Variants in FAM107B observed in about 807,000 individuals in gnomAD.
The protein encoded by FAM107B is family with sequence similarity 107 member B, also known as protein FAM107B.
A neutral mutation model predicts 31.5 loss-of-function variants in FAM107B; 21 were observed. The ratio of observed to expected loss-of-function variants is 0.67; its 90% CI spans 0.47 to 0.96. The LOEUF (loss-of-function observed/expected upper bound fraction) is 0.96. Ranked by LOEUF, FAM107B falls within the 40% of genes least tolerant of loss-of-function variation. The pLI, the probability that FAM107B is intolerant of heterozygous loss-of-function variation, is 0.00. For missense variants in FAM107B, 452 were observed against 377.1 expected (o/e 1.20, Z -1.64); for synonymous variants, 157 against 141.5 (o/e 1.11, Z -0.78).
intron 2 of FAM107B, among the ~76,000 whole-genome samples, chr10:14,601,861 A>G (rs1317553302): frequency 6.6e-6 from 1 of 152,222 alleles, no homozygotes; most frequent in Non-Finnish European, 1.5e-5. Flanking sequence ...GAAAATCAGT[A>G]AAACTCTTTT....
chr10:14,649,036 A>G (rs984080191), intron 2 of FAM107B, among the ~76,000 whole-genome samples: 4 of 152,232 alleles, frequency 2.6e-5, no homozygotes, highest in Non-Finnish European at 5.9e-5. Context: ...TAAGCCCCAC[A>G]ACCAGCTGAA....
intron 1 of FAM107B, among the ~76,000 whole-genome samples, chr10:14,725,133 A>G (rs561578604): frequency 2.0e-5 from 3 of 152,304 alleles, no homozygotes; most frequent in Admixed American, 2.0e-4. Flanking sequence ...TAGATCCACA[A>G]GGCTGCAGGA....
chr10:14,749,772 C>T (rs1832792160), intron 1 of FAM107B, among the ~76,000 whole-genome samples: 1 of 152,186 alleles, frequency 6.6e-6, no homozygotes, highest in African/African-American at 2.4e-5. Flanking sequence ...CTAAAATTGC[C>T]AGCAACCATG....
In FAM107B at chr10:14,530,420, G is replaced by C. The variant is rs781299923; in HGVS notation, c.565C>G (p.Leu189Val). 6.2e-7 allele frequency: 1 copy of C among 1,614,076 alleles called. No homozygotes were observed. Among genetic ancestry groups the C allele is most frequent in the Non-Finnish European group, 8.5e-7 (1 of 1,179,998 alleles). The change falls in exon 3 of 5, where the codon CTC becomes GTC. Residue 189 changes from leucine to valine, a missense_variant. Transcript: ENST00000181796. ...TTGATCAGTTTCTGAGGCCTAATGA[G>C]TTCAGGATTGTCATCTTCTATGTAG... Reference protein sequence around the residue: ...PDYIEDDNPELIRPQKLINPV... With the variant: ...PDYIEDDNPEVIRPQKLINPV...
chr10:14,743,540 G>C (rs1482098615), intron 1 of FAM107B, among the ~76,000 whole-genome samples: 2 of 152,160 alleles, frequency 1.3e-5, no homozygotes, highest in Non-Finnish European at 1.5e-5. Context: ...TAAGATATAA[G>C]GAAGGGGATC....
At position 14,626,727 on chromosome 10, in the gene FAM107B, T is replaced by C. The variant is rs560256463; in HGVS notation, c.469+40907A>G. ...ACCGTGTTAGCCAGGATGGTCTCGA[T>C]CTCCTGACCTCGTGATCTGCCCGCC... On this transcript the variant is annotated intron_variant, in intron 2 of 4. Transcript: ENST00000181796. Among the ~76,000 whole-genome samples, 31 of 152,146 alleles carry C rather than the reference T, an allele frequency of 2.0e-4. No homozygotes were observed. In the South Asian group the frequency reaches 6.2e-3, roughly 31 times the overall value.
intron 1 of FAM107B, among the ~76,000 whole-genome samples, chr10:14,708,083 T>C (rs1479159557): frequency 6.6e-6 from 1 of 151,206 alleles, no homozygotes; most frequent in East Asian, 1.9e-4. Flanking sequence ...AGGAGGACTG[T>C]CTTTTTTTTT....
chr10:14,565,726 T>G (rs1363960990), intron 2 of FAM107B, among the ~76,000 whole-genome samples: 1 of 152,052 alleles, frequency 6.6e-6, no homozygotes, highest in East Asian at 1.9e-4. Flanking sequence ...GTGGCAAAAG[T>G]GTCCTCAAAA....
chr10:14,672,252 C>A (rs982128220), intron 1 of FAM107B, among the ~76,000 whole-genome samples: 8 of 152,126 alleles, frequency 5.3e-5, no homozygotes, highest in Non-Finnish European at 1.2e-4. Flanking sequence ...CCATGCCCAG[C>A]TAATTTTTGT....
chr10:14,774,216 C>A, intron 1 of FAM107B, 37 bp downstream of exon 1: 1 of 1,568,508 alleles, frequency 6.4e-7, no homozygotes. Flanking sequence ...CCTCCAGCTC[C>A]ATCCCGTCTA....
chr10:14,673,361 C>T (rs1363953908), intron 1 of FAM107B, among the ~76,000 whole-genome samples: 2 of 152,170 alleles, frequency 1.3e-5, no homozygotes, highest in Admixed American at 6.5e-5. Context: ...TTTTTCAGCT[C>T]TCACATATGA....
chr10:14,592,125 G>A (rs1025937702), intron 2 of FAM107B, among the ~76,000 whole-genome samples: 7 of 152,288 alleles, frequency 4.6e-5, no homozygotes, highest in Admixed American at 1.3e-4. Context: ...GGGCTTCCCC[G>A]ATCCCGTGCC....
At chr10:14,747,742 G>A (rs549324334) in intron 1 of FAM107B, among the ~76,000 whole-genome samples, 2 of 152,304 alleles carry the variant, frequency 1.3e-5, no homozygotes, top group East Asian at 3.9e-4. Flanking sequence ...AAGGTATCTG[G>A]CAACCCCTGT....
intron 1 of FAM107B, among the ~76,000 whole-genome samples, chr10:14,670,990 T>C (rs1387556327): frequency 2.6e-5 from 4 of 152,238 alleles, no homozygotes; most frequent in Non-Finnish European, 5.9e-5. Flanking sequence ...CCAACTGTAG[T>C]AGACATCTGT....
chr10:14,530,441 T>C lies in FAM107B; in HGVS notation c.544A>G (p.Ile182Val), dbSNP rs1386101291. Residue 182 changes from isoleucine to valine, a missense_variant, in exon 3 of 5, where the codon ATA (isoleucine) becomes GTA (valine). Transcript: ENST00000181796. ...ATGAGTTCAGGATTGTCATCTTCTA[T>C]GTAGTCTGGCTCGGCCATGATGCTT... ...TRSIMAEPDY[I>V]EDDNPELIRP... The C allele has an allele frequency of 3.1e-6, 5 of 1,614,046 alleles. No homozygotes were observed. In the East Asian group the frequency reaches 6.7e-5, roughly 22 times the overall value.
At chr10:14,655,037 A>C (rs1344442915) in intron 2 of FAM107B, among the ~76,000 whole-genome samples, 1 of 152,196 alleles carries the variant, frequency 6.6e-6, no homozygotes, top group Non-Finnish European at 1.5e-5. Context: ...CAGGCTGTAC[A>C]AGCATGGCAC....
At chr10:14,549,864 ACCGCAT>A (rs920538095) in intron 2 of FAM107B, among the ~76,000 whole-genome samples, 8 of 152,318 alleles carry the variant, frequency 5.3e-5, no homozygotes, top group African/African-American at 1.7e-4. Context: ...TGGGAAAATG[ACCGCAT>A]CCTGCAAGTG....
rs999867007 is a variant in FAM107B, at chr10:14,600,311, G to A, written c.469+67323C>T. Among the ~76,000 whole-genome samples the A allele has an allele frequency of 7.2e-5, 11 of 152,252 alleles. No individual in the cohort carries two copies. The South Asian group carries it at 1.9e-3, about 26-fold the overall frequency. ...CTGGGACAGAACCATACGGTTTCCC[G>A]ATCCACCTTCAATCCCAAGCGACAA... On this transcript the variant is annotated intron_variant, in intron 2 of 4. Transcript: ENST00000181796.
At position 14,647,143 on chromosome 10, in the gene FAM107B, G is replaced by A. The variant is rs753235616; in HGVS notation, c.469+20491C>T. Among the ~76,000 whole-genome samples the A allele has an allele frequency of 5.3e-5, 8 of 152,104 alleles. No homozygotes were observed. The East Asian group carries it at 7.7e-4, about 15-fold the overall frequency. On this transcript the variant is annotated intron_variant, in intron 2 of 4. Coordinates refer to ENST00000181796, the MANE Select transcript of FAM107B (RefSeq NM_031453.4). ...GAACTTCCTAAGATGGGCCATTCAC[G>A]TTTTTCCCACAGAAAGTCTTCCACA...
Sources: gnomAD v4.1 joint callset for allele counts (sites outside exome capture counted in the v4.1 genomes callset) on GRCh38, gnomAD v4.1.1 for gene constraint, MANE v1.5 for transcripts, NCBI Gene and HGNC (gene_info 2026-07-23, HGNC 2026-07-21) for gene names.